The following CELF1 variants were observed in gnomAD, a reference collection of about 807,000 sequenced individuals.
The protein encoded by CELF1 is 50 kDa nuclear polyadenylated RNA-binding protein.
In CELF1, 10 loss-of-function variants were observed where a neutral mutation model predicts 61.8. That is an observed-to-expected ratio of 0.16 (90% CI 0.10 to 0.27). The LOEUF (loss-of-function observed/expected upper bound fraction) is 0.27, where lower values mean the gene tolerates loss of function less well. CELF1 is among the 10% of genes least tolerant of loss of function. The probability of loss-of-function intolerance (pLI) is 1.00; values close to 1 mark genes in which losing one functional copy is unlikely to be tolerated. For synonymous variants in CELF1, 236 were observed against 225.1 expected, an observed-to-expected ratio of 1.05 and a Z score of -0.43; for missense variants, 380 against 639.1, an observed-to-expected ratio of 0.59 and a Z score of 4.37.
At chr11:47,504,902 C>CAAAAAAAAAAAA (rs374401044) in intron 1 of CELF1, among the ~76,000 whole-genome samples, 7 of 107,922 alleles carry the variant, frequency 6.5e-5, no homozygotes, top group African/African-American at 2.5e-4. Context: ...ACTCTGTCAC[C>CAAAAAAAAAAAA]AAAAAAAAAA....
intron 2 of CELF1, among the ~76,000 whole-genome samples, chr11:47,560,508 T>C (rs1306362154): frequency 6.6e-6 from 1 of 152,160 alleles, no homozygotes; most frequent in East Asian, 1.9e-4. Context: ...TATGAATCCA[T>C]GTATATGAAA....
chr11:47,487,214 C>T lies in CELF1; in HGVS notation c.287G>A (p.Arg96His). The change falls in exon 5 of 15, where the codon CGT becomes CAT. Residue 96 changes from arginine to histidine, a missense_variant. By Grantham distance (29) the Arg-to-His change is conservative. Transcript: ENST00000687097. ...ATTCTGAGCTTCTAATGCAGCTTTACGGGTGTAAAATGTAACAAAACAGCA... is the reference window on the plus strand; with the variant it reads ...ATTCTGAGCTTCTAATGCAGCTTTATGGGTGTAAAATGTAACAAAACAGCA... ...KGCCFVTFYT[R>H]KAALEAQNAL... is the part of the protein sequence containing the mutation. 1 of 1,612,346 alleles carries T rather than the reference C, an allele frequency of 6.2e-7. No homozygotes were observed. Among genetic ancestry groups the T allele is most frequent in the Non-Finnish European group, 8.5e-7 (1 of 1,179,752 alleles).
chr11:47,544,475 G>A (rs1406977936), intron 1 of CELF1, among the ~76,000 whole-genome samples: 1 of 152,114 alleles, frequency 6.6e-6, no homozygotes, highest in African/African-American at 2.4e-5. Flanking sequence ...ACTGTCCCAA[G>A]CTGTCACAGC....
chr11:47,469,974 A>T lies in CELF1; in HGVS notation c.*2256T>A, dbSNP rs909978841. The T allele has an allele frequency of 2.6e-5, 4 of 152,252 alleles. No individual in the cohort carries two copies. The highest frequency in any genetic ancestry group is 2.1e-4 in the South Asian group (1 of 4,828). 9.4% of individuals were successfully genotyped at this position (152,252 alleles called of 1,614,324 possible). ...AGAACAGAAGGCTAGGGAGCACAGC[A>T]CCGGCAGCACCCTATGGAGCACAGC... On this transcript the variant is annotated 3_prime_UTR_variant, in exon 15 of 15. Coordinates refer to ENST00000687097, the MANE Select transcript of CELF1 (RefSeq NM_001376376.1).
intron 1 of CELF1, among the ~76,000 whole-genome samples, chr11:47,551,538 T>G (rs1350265492): frequency 6.6e-6 from 1 of 152,220 alleles, no homozygotes; most frequent in Non-Finnish European, 1.5e-5. Context: ...GTGGACTCTT[T>G]AATGCTAAAA....
chr11:47,522,736 G>T (rs1302456021), intron 1 of CELF1, among the ~76,000 whole-genome samples: 1 of 151,008 alleles, frequency 6.6e-6, no homozygotes, highest in Non-Finnish European at 1.5e-5. Flanking sequence ...TGAGGCAGGA[G>T]AATTGCTTGA....
At chr11:47,550,239 CA>C (rs200633635) in intron 1 of CELF1, among the ~76,000 whole-genome samples, 1 of 149,988 alleles carries the variant, frequency 6.7e-6, no homozygotes, top group African/African-American at 2.5e-5. Flanking sequence ...AACAAACAAA[CA>C]AAAAAAAACA....
chr11:47,496,330 G>A (rs535082640), intron 3 of CELF1, among the ~76,000 whole-genome samples: 3 of 152,258 alleles, frequency 2.0e-5, no homozygotes, highest in African/African-American at 7.2e-5. Context: ...TCTTCCCTGA[G>A]GTATGGAGAT....
intron 1 of CELF1, among the ~76,000 whole-genome samples, chr11:47,549,545 T>C (rs1438543390): frequency 6.6e-6 from 1 of 152,228 alleles, no homozygotes; most frequent in South Asian, 2.1e-4. Context: ...TTGAGGACAT[T>C]ACACTAAGTG....
intron 3 of CELF1, among the ~76,000 whole-genome samples, chr11:47,496,554 G>C (rs2093130650): frequency 6.6e-6 from 1 of 152,208 alleles, no homozygotes; most frequent in Non-Finnish European, 1.5e-5. Flanking sequence ...TTCTATGAAA[G>C]AAGTGGCTAA....
At chr11:47,563,160 G>T (rs1447023026) in intron 2 of CELF1, among the ~76,000 whole-genome samples, 1 of 151,892 alleles carries the variant, frequency 6.6e-6, no homozygotes, top group Non-Finnish European at 1.5e-5. Flanking sequence ...GGGCTACAGT[G>T]AGTCATGATC....
intron 1 of CELF1, among the ~76,000 whole-genome samples, chr11:47,541,228 T>G (rs936561366): frequency 1.3e-5 from 2 of 152,192 alleles, no homozygotes; most frequent in African/African-American, 4.8e-5. Context: ...CTACTCACAG[T>G]AGACTATTAG....
At chr11:47,552,459 C>CTT (rs2097163370) in intron 1 of CELF1, among the ~76,000 whole-genome samples, 1 of 152,168 alleles carries the variant, frequency 6.6e-6, no homozygotes, top group Non-Finnish European at 1.5e-5. Flanking sequence ...GGGGGGAGGG[C>CTT]GAGCCAAGGC....
chr11:47,485,413 C>G (rs911637151), intron 6 of CELF1, among the ~76,000 whole-genome samples: 2 of 152,152 alleles, frequency 1.3e-5, no homozygotes, highest in African/African-American at 2.4e-5. Flanking sequence ...TTACGCAATC[C>G]TCCGGCCTCA....
intron 2 of CELF1, among the ~76,000 whole-genome samples, chr11:47,561,366 C>G (rs1461416659): frequency 6.8e-6 from 1 of 147,908 alleles, no homozygotes; most frequent in Admixed American, 7.0e-5. Flanking sequence ...TGGCATGAAC[C>G]CAGGAGGCGG....
intron 1 of CELF1, among the ~76,000 whole-genome samples, chr11:47,508,047 G>A (rs1379539659): frequency 1.3e-5 from 2 of 152,088 alleles, no homozygotes; most frequent in Non-Finnish European, 2.9e-5. Flanking sequence ...TTAAGGTGAG[G>A]ACTACCCTAA....
chr11:47,541,704 A>C (rs1426089876), intron 1 of CELF1, among the ~76,000 whole-genome samples: 1 of 1,492 alleles, frequency 6.7e-4, no homozygotes, highest in African/African-American at 8.1e-4. Flanking sequence ...GAAAGAAAGA[A>C]AGAAAGAAAG....
At chr11:47,482,062 G>A (rs2083568690) in intron 9 of CELF1, among the ~76,000 whole-genome samples, 1 of 152,116 alleles carries the variant, frequency 6.6e-6, no homozygotes, top group South Asian at 2.1e-4. Context: ...AATTAGCTGG[G>A]TGTGATGGTG....
chr11:47,545,382 G>C (rs2096906700), intron 1 of CELF1, among the ~76,000 whole-genome samples: 2 of 152,114 alleles, frequency 1.3e-5, no homozygotes, highest in Non-Finnish European at 2.9e-5. Flanking sequence ...AGTGAGCCGA[G>C]ATTGAACCAC....
Sources: gnomAD v4.1 joint callset for allele counts (sites outside exome capture counted in the v4.1 genomes callset) on GRCh38, gnomAD v4.1.1 for gene constraint, MANE v1.5 for transcripts, NCBI Gene and HGNC (gene_info 2026-07-23, HGNC 2026-07-21) for gene names.